CPEB2: variants seen among roughly 807,000 people sequenced by gnomAD.
CPEB2 encodes the protein cytoplasmic polyadenylation element binding protein 2, also known as cytoplasmic polyadenylation element-binding protein 2.
In CPEB2, 56 loss-of-function variants were observed where a neutral mutation model predicts 93.6. The ratio of observed to expected loss-of-function variants is 0.60; its 90% CI spans 0.48 to 0.75. The LOEUF (loss-of-function observed/expected upper bound fraction) is 0.75, where lower values mean the gene tolerates loss of function less well. CPEB2 is among the 30% of genes least tolerant of loss of function. The probability of loss-of-function intolerance (pLI) is 0.00; values close to 1 mark genes in which losing one functional copy is unlikely to be tolerated. For missense variants in CPEB2, 1,579 were observed against 1,395.1 expected (o/e 1.13, Z -2.10); for synonymous variants, 764 against 586.3 (o/e 1.30, Z -4.38).
chr4:15,052,328 C>G lies in CPEB2; in HGVS notation c.2201-86C>G, dbSNP rs1728308782. Reference sequence around the variant, plus strand: ...ACCTGCATCACCTTCATTTTTAAGTCTTTGAATTTGTCATTGGTATTTTTA... The same window carrying G: ...ACCTGCATCACCTTCATTTTTAAGTGTTTGAATTTGTCATTGGTATTTTTA... On this transcript the variant is annotated intron_variant, in intron 6 of 11. Coordinates refer to ENST00000538197, the MANE Select transcript of CPEB2 (RefSeq NM_001177382.2). 3 of 927,284 alleles carry G rather than the reference C, an allele frequency of 3.2e-6. No homozygotes were observed. The East Asian group carries it at 8.8e-5, about 27-fold the overall frequency. The allele number at this position is 927,284 out of a possible 1,614,324, so 57.4% of individuals were successfully genotyped here.
chr4:15,056,208 A>T (rs765661480), intron 8 of CPEB2, among the ~76,000 whole-genome samples: 38 of 152,284 alleles, frequency 2.5e-4, no homozygotes, highest in African/African-American at 8.7e-4. Flanking sequence ...CTTCAAGTAG[A>T]TGGGGGAAAG....
At chr4:15,059,336 T>C (rs2109099036) in intron 10 of CPEB2, 35 bp downstream of exon 10, 1 of 1,309,230 alleles carries the variant, frequency 7.6e-7, no homozygotes, top group African/African-American at 1.5e-5. Flanking sequence ...TTTAAAAAAA[T>C]CATTTAAATA....
At position 15,041,075 on chromosome 4, in the gene CPEB2, C is replaced by G. The variant is rs569926973; in HGVS notation, c.2200+588C>G. Among the ~76,000 whole-genome samples, 8 of 152,020 alleles carry G rather than the reference C, an allele frequency of 5.3e-5. No homozygotes were observed. In the South Asian group the frequency reaches 8.3e-4, roughly 16 times the overall value. On this transcript the variant is annotated intron_variant, in intron 6 of 11. Coordinates refer to ENST00000538197, the MANE Select transcript of CPEB2 (RefSeq NM_001177382.2). ...CCTTTCCTTTTTCCTTTCCCTCCCC[C>G]ACAAAAGTATTCCCCACAGAGTTCT...
At chr4:15,038,561 C>G (rs1048237762) in intron 5 of CPEB2, among the ~76,000 whole-genome samples, 1 of 150,974 alleles carries the variant, frequency 6.6e-6, no homozygotes, top group African/African-American at 2.4e-5. Context: ...CTTAATACAA[C>G]TATTCACTCT....
chr4:15,011,299 C>T (rs1446095900), intron 3 of CPEB2, among the ~76,000 whole-genome samples: 1 of 151,906 alleles, frequency 6.6e-6, no homozygotes, highest in African/African-American at 2.4e-5. Flanking sequence ...CAGGGTTTCA[C>T]CATGTTGGCC....
rs1389400361 is a variant in CPEB2, at chr4:15,003,884, A to C, written c.1211A>C (p.Gln404Pro). 3.5e-6 allele frequency: 3 copies of C among 863,934 alleles called. No individual in the cohort carries two copies. The highest frequency in any genetic ancestry group is 8.6e-5 in the East Asian group (2 of 23,168). 53.5% of individuals were successfully genotyped at this position (863,934 alleles called of 1,614,324 possible). ...PQQPPPTQPQ[Q>P]QPPPPQQPPQ... Reference sequence around the variant, plus strand: ...CAGCCGCCGCCGACCCAGCCGCAGCAGCAGCCGCCGCCACCCCAGCAGCCG... The same window carrying C: ...CAGCCGCCGCCGACCCAGCCGCAGCCGCAGCCGCCGCCACCCCAGCAGCCG... The change falls in exon 1 of 12, where the codon CAG becomes CCG. Residue 404 changes from glutamine to proline, a missense_variant. By Grantham distance (76) the Gln-to-Pro change is moderately conservative (BLOSUM62 -1). Around this residue, in one of 2 missense-constraint regions of CPEB2, gnomAD observed 1,411 missense variants for 1,056.0 expected, o/e 1.34. Coordinates refer to ENST00000538197, the MANE Select transcript of CPEB2 (RefSeq NM_001177382.2).
intron 4 of CPEB2, among the ~76,000 whole-genome samples, chr4:15,029,149 A>G (rs1357953173): frequency 6.6e-6 from 1 of 152,108 alleles, no homozygotes; most frequent in Non-Finnish European, 1.5e-5. Flanking sequence ...GTGCCTAGAC[A>G]TCACATTTGT....
chr4:15,056,667 A>G (rs956593568), intron 8 of CPEB2, among the ~76,000 whole-genome samples: 4 of 152,186 alleles, frequency 2.6e-5, no homozygotes, highest in Admixed American at 2.0e-4. Context: ...AAACACTGGT[A>G]TAGAAGCATC....
chr4:15,066,002 A>C lies in CPEB2; in HGVS notation c.2878-151A>C, dbSNP rs560294537. ...ATAGATTTTTAAAGTGTTTTAACCT[A>C]CTACATTGTAAAGCTCCTTCCTTGA... On this transcript the variant is annotated intron_variant, in intron 11 of 11. Coordinates refer to ENST00000538197, the MANE Select transcript of CPEB2 (RefSeq NM_001177382.2). 4 of 653,436 alleles carry C rather than the reference A, an allele frequency of 6.1e-6. No individual in the cohort carries two copies. In the Admixed American group the frequency reaches 1.2e-4, roughly 19 times the overall value. The allele number at this position is 653,436 out of a possible 1,614,324, so 40.5% of individuals were successfully genotyped here.
At chr4:15,012,142 T>G (rs953946937) in intron 3 of CPEB2, among the ~76,000 whole-genome samples, 2 of 152,252 alleles carry the variant, frequency 1.3e-5, no homozygotes, top group African/African-American at 4.8e-5. Flanking sequence ...CCAGATGAAC[T>G]TCAGGGACAT....
In CPEB2 at chr4:15,033,221, A is replaced by T. The variant is rs761411452; in HGVS notation, c.2176+10A>T. On this transcript the variant is annotated intron_variant, in intron 5 of 11. Coordinates refer to ENST00000538197, the MANE Select transcript of CPEB2 (RefSeq NM_001177382.2). ...CTGTTGATGTTAAATGGTAAGTTTT[A>T]TAAAAACATTTTATGTTTCCAGTTG... is the stretch of plus-strand genomic sequence containing the variant. The T allele has an allele frequency of 6.5e-7, 1 of 1,540,008 alleles. No individual in the cohort carries two copies. The highest frequency in any genetic ancestry group is 9.0e-7 in the Non-Finnish European group (1 of 1,114,816).
At chr4:15,025,035 A>G (rs1211345571) in intron 4 of CPEB2, among the ~76,000 whole-genome samples, 1 of 151,994 alleles carries the variant, frequency 6.6e-6, no homozygotes, top group Admixed American at 6.6e-5. Context: ...ATGAGCCACC[A>G]TGCCTGCCTC....
chr4:15,043,770 CTTTT>C (rs1288607792), intron 6 of CPEB2, among the ~76,000 whole-genome samples: 4 of 151,918 alleles, frequency 2.6e-5, no homozygotes, highest in South Asian at 4.2e-4. Flanking sequence ...GAAGGCAATC[CTTTT>C]AAGCAAGGAA....
rs1341386973 is a variant in CPEB2 at position 15,017,196 on chromosome 4, T to C, written c.2043T>C (p.Ser681=). The change falls in exon 4 of 12, where the codon AGT becomes AGC. Residue 681 remains serine (S), a synonymous_variant. Transcript: ENST00000538197. The part of the protein sequence containing the change: ...AGTSRIDQDR[S]RMYDSLNMHS... ...TTCCTCTTCTCTTCCAGGATCGAAGTAGAATGTATGACAGTTTGAATATGC... is the reference window on the plus strand; with the variant it reads ...TTCCTCTTCTCTTCCAGGATCGAAGCAGAATGTATGACAGTTTGAATATGC... 5.7e-6 allele frequency: 9 copies of C among 1,578,736 alleles called. No homozygotes were observed. The highest frequency in any genetic ancestry group is 7.8e-6 in the Non-Finnish European group (9 of 1,150,584).
chr4:15,067,114 T>C lies in CPEB2; in HGVS notation c.*734T>C, dbSNP rs181212842. The C allele has an allele frequency of 1.6e-4, 24 of 152,572 alleles. No individual in the cohort carries two copies. The highest frequency in any genetic ancestry group is 3.3e-4 in the Admixed American group (5 of 15,256). 9.5% of individuals were successfully genotyped at this position (152,572 alleles called of 1,614,324 possible). On this transcript the variant is annotated 3_prime_UTR_variant, in exon 12 of 12. Coordinates refer to ENST00000538197, the MANE Select transcript of CPEB2 (RefSeq NM_001177382.2). The stretch of plus-strand genomic sequence containing the variant: ...CCATAGTTTTAGAATGTGAAAAAAA[T>C]GCATGTTTACTTACCTGTATACACC...
At position 15,052,479 on chromosome 4, in the gene CPEB2, G is replaced by A. The variant is rs1414557120; in HGVS notation, c.2266G>A (p.Val756Ile). The A allele has an allele frequency of 6.3e-7, 1 of 1,597,918 alleles. No homozygotes were observed. Among genetic ancestry groups the A allele is most frequent in the Non-Finnish European group, 8.5e-7 (1 of 1,170,020 alleles). The change falls in exon 7 of 12, where the codon GTT becomes ATT. Residue 756 changes from valine to isoleucine, a missense_variant. This residue lies in a region of CPEB2 where 1,411 missense variants were observed against 1,056.0 expected (regional missense o/e 1.34). Transcript: ENST00000538197. ...TGATGGTCACAGTGATCAAGTTGGAGTTTTAAATTCACCCACCTGTTATTC... is the reference window on the plus strand; with the variant it reads ...TGATGGTCACAGTGATCAAGTTGGAATTTTAAATTCACCCACCTGTTATTC... ...LDDGHSDQVG[V>I]LNSPTCYSAH... is the part of the protein sequence containing the mutation.
intron 3 of CPEB2, among the ~76,000 whole-genome samples, chr4:15,009,361 A>T (rs190094821): frequency 6.6e-6 from 1 of 152,348 alleles, no homozygotes; most frequent in African/African-American, 2.4e-5. Context: ...TCAACCACTA[A>T]CAATTGTTTT....
Position 15,050,367 on chromosome 4 carries a change from A to G in CPEB2, c.2201-2047A>G, listed in dbSNP as rs143775280. On this transcript the variant is annotated intron_variant, in intron 6 of 11. Coordinates refer to ENST00000538197, the MANE Select transcript of CPEB2 (RefSeq NM_001177382.2). The stretch of plus-strand genomic sequence containing the variant: ...TGCTGTGGAAAAATTGTTGTCCACA[A>G]AACTGGTCCCTGGTGCCGAAAAGGT... Among the ~76,000 whole-genome samples, 754 of 152,294 alleles carry G rather than the reference A, an allele frequency of 5.0e-3. 9 individuals are homozygous for G. Among genetic ancestry groups the G allele is most frequent in the African/African-American group, 0.017 (707 of 41,566 alleles).
intron 5 of CPEB2, among the ~76,000 whole-genome samples, chr4:15,038,749 C>A (rs1203589615): frequency 6.6e-6 from 1 of 151,980 alleles, no homozygotes; most frequent in Non-Finnish European, 1.5e-5. Flanking sequence ...CCACCACGCC[C>A]GGCTAATTTT....
Sources: gnomAD v4.1 joint callset for allele counts (sites outside exome capture counted in the v4.1 genomes callset) on GRCh38, gnomAD v4.1.1 for gene constraint, gnomAD v4.1.1 regional missense constraint, MANE v1.5 for transcripts, NCBI Gene and HGNC (gene_info 2026-07-23, HGNC 2026-07-21) for gene names.